COL22A1: variants seen among roughly 807,000 people sequenced by gnomAD.
COL22A1 encodes the protein collagen alpha-1(XXII) chain.
A neutral mutation model predicts 248.9 loss-of-function variants in COL22A1; 221 were observed. The observed-to-expected ratio is 0.89, with a 90% confidence interval of 0.80 to 0.99. The LOEUF (loss-of-function observed/expected upper bound fraction) is 0.99. COL22A1 is among the 50% of genes least tolerant of loss of function. The pLI, the probability that COL22A1 is intolerant of heterozygous loss-of-function variation, is 0.00. For missense variants in COL22A1, 2,240 were observed against 2,179.0 expected (o/e 1.03, Z -0.56); for synonymous variants, 891 against 793.4 (o/e 1.12, Z -2.07).
chr8:138,609,784 A>G (rs1213511038), intron 56 of COL22A1, among the ~76,000 whole-genome samples: 1 of 152,134 alleles, frequency 6.6e-6, no homozygotes, highest in African/African-American at 2.4e-5. Flanking sequence ...AACACAGGCC[A>G]TGTGCACAGA....
chr8:138,902,739 T>TATACACACACACAC (rs763466994), intron 1 of COL22A1, among the ~76,000 whole-genome samples: 6 of 93,872 alleles, frequency 6.4e-5, no homozygotes, highest in African/African-American at 1.8e-4. Context: ...TATATATATA[T>TATACACACACACAC]ACACACACAC....
chr8:138,685,356 C>CA (rs1826267894), intron 37 of COL22A1, 44 bp from the exon 38 acceptor site: 1 of 1,539,438 alleles, frequency 6.5e-7, no homozygotes, highest in African/African-American at 1.4e-5. Context: ...TTACACTCAG[C>CA]ACGAAGCTTT....
chr8:138,631,380 G>A (rs1033162034), intron 49 of COL22A1, among the ~76,000 whole-genome samples: 12 of 152,070 alleles, frequency 7.9e-5, no homozygotes, highest in African/African-American at 2.2e-4. Flanking sequence ...ATTTTAGGAC[G>A]GGCCAATGCA....
At chr8:138,715,637 A>G in intron 30 of COL22A1, 45 bp downstream of exon 30, 1 of 1,445,524 alleles carries the variant, frequency 6.9e-7, no homozygotes, top group Non-Finnish European at 9.6e-7. Flanking sequence ...AGAAAAACCC[A>G]ACTAATAATA....
intron 52 of COL22A1, among the ~76,000 whole-genome samples, chr8:138,619,748 A>AATTATG (rs1325309154): frequency 6.6e-6 from 1 of 152,042 alleles, no homozygotes; most frequent in African/African-American, 2.4e-5. Context: ...TCTCCAAATT[A>AATTATG]ATTATGCTTA....
chr8:138,705,111 T>G (rs1828309841), intron 30 of COL22A1, among the ~76,000 whole-genome samples: 1 of 152,122 alleles, frequency 6.6e-6, no homozygotes, highest in Admixed American at 6.5e-5. Flanking sequence ...GAACAAAGCC[T>G]CCAGGAAATA....
At chr8:138,625,380 T>C (rs544622746) in intron 51 of COL22A1, among the ~76,000 whole-genome samples, 1 of 151,728 alleles carries the variant, frequency 6.6e-6, no homozygotes, top group African/African-American at 2.4e-5. Context: ...AGGGCAGGGT[T>C]GGGGGACTGT....
chr8:138,643,252 G>A (rs1414960491), intron 47 of COL22A1, among the ~76,000 whole-genome samples: 5 of 152,080 alleles, frequency 3.3e-5, no homozygotes, highest in Admixed American at 6.5e-5. Context: ...ACACTGCCCC[G>A]GGCAAATCTC....
chr8:138,738,905 C>T (rs1042166141), intron 22 of COL22A1, among the ~76,000 whole-genome samples: 14 of 152,154 alleles, frequency 9.2e-5, no homozygotes, highest in African/African-American at 3.4e-4. Context: ...CCAACTCAGG[C>T]ACACCCTGGG....
chr8:138,690,597 T>C (rs1003537972), intron 36 of COL22A1, among the ~76,000 whole-genome samples: 1 of 152,150 alleles, frequency 6.6e-6, no homozygotes, highest in Non-Finnish European at 1.5e-5. Context: ...TTTCTGCAGA[T>C]GCCAACAGCT....
At position 138,751,488 on chromosome 8, in the gene COL22A1, C is replaced by T. The variant is rs1226295600; in HGVS notation, c.2055G>A (p.Arg685=). 1 of 1,612,388 alleles carries T rather than the reference C, an allele frequency of 6.2e-7. No individual in the cohort carries two copies. Among genetic ancestry groups the T allele is most frequent in the East Asian group, 2.2e-5 (1 of 44,794 alleles). ...GACCTTGCAAACCAGGAGGTCCATC[C>T]CTGCCTTCTGGGCCTATTGGACCCT... ...GARGPIGPEG[R]DGPPGLQGLR... Residue 685 remains arginine (R), a synonymous_variant, in exon 22 of 65, where the codon AGG becomes AGA. Transcript: ENST00000303045.
In COL22A1 at chr8:138,724,657, T is replaced by G; in HGVS notation, c.2205A>C (p.Gly735=). Residue 735 remains glycine (G), a synonymous_variant, in exon 25 of 65, where the codon GGA becomes GGC. Transcript: ENST00000303045. ...CAGGCTTTCCCGGGAAGCCGATCTC[T>G]CCAGGCAAACCCTGAAAGGGGACCA... ...PGPGGSPGLP[G]EIGFPGKPGP... 1 of 1,614,120 alleles carries G rather than the reference T, an allele frequency of 6.2e-7. No homozygotes were observed. The highest frequency in any genetic ancestry group is 1.1e-5 in the South Asian group (1 of 91,080).
chr8:138,905,728 G>T (rs993570512), intron 1 of COL22A1, among the ~76,000 whole-genome samples: 1 of 152,094 alleles, frequency 6.6e-6, no homozygotes, highest in East Asian at 1.9e-4. Flanking sequence ...AGACAGTTTC[G>T]TTCATGTTCT....
chr8:138,663,744 G>A lies in COL22A1; in HGVS notation c.3151-4C>T. On this transcript the variant is annotated splice_polypyrimidine_tract_variant and splice_region_variant and intron_variant, in intron 41 of 64. Coordinates refer to ENST00000303045, the MANE Select transcript of COL22A1 (RefSeq NM_152888.3). ...CTCCTGGTGGTCCGGAAGGGCCCTA[G>A]AAACAAACAAACAAGTATGTAAGCA... is the stretch of plus-strand genomic sequence containing the variant. 5 of 1,608,896 alleles carry A rather than the reference G, an allele frequency of 3.1e-6. No individual in the cohort carries two copies. Among genetic ancestry groups the A allele is most frequent in the Non-Finnish European group, 4.3e-6 (5 of 1,175,358 alleles).
chr8:138,684,453 G>A lies in COL22A1; in HGVS notation c.2984C>T (p.Pro995Leu), dbSNP rs948381159. The part of the protein sequence containing the change: ...KDGEPGLRGS[P>L]GLPGPLGTKA... ...GGTTCCTAGGGGTCCAGGGAGTCCA[G>A]GTGATCCACGGAGTCCCTGGAGAAA... Residue 995 changes from proline to leucine, a missense_variant, in exon 39 of 65, where the codon CCT (proline) becomes CTT (leucine). Transcript: ENST00000303045. The A allele has an allele frequency of 6.2e-7, 1 of 1,610,944 alleles. No homozygotes were observed. The highest frequency in any genetic ancestry group is 1.3e-5 in the African/African-American group (1 of 74,820).
chr8:138,657,440 G>C (rs1238616927), intron 44 of COL22A1, among the ~76,000 whole-genome samples: 8 of 152,200 alleles, frequency 5.3e-5, no homozygotes, highest in African/African-American at 1.9e-4. Context: ...TGCATAATTA[G>C]AGTCAGTTAT....
intron 25 of COL22A1, among the ~76,000 whole-genome samples, chr8:138,723,804 G>T (rs1041896478): frequency 6.6e-6 from 1 of 152,186 alleles, no homozygotes; most frequent in Non-Finnish European, 1.5e-5. Context: ...TGGGGAGGAC[G>T]CTGGTGTTAC....
At chr8:138,608,354 C>T (rs1818585927) in intron 56 of COL22A1, among the ~76,000 whole-genome samples, 1 of 152,190 alleles carries the variant, frequency 6.6e-6, no homozygotes, top group African/African-American at 2.4e-5. Flanking sequence ...CTAATACAAC[C>T]CAGCTTACAC....
At chr8:138,844,180 A>G (rs765382790) in intron 3 of COL22A1, 22 bp from the exon 4 acceptor site, 18 of 1,610,784 alleles carry the variant, frequency 1.1e-5, no homozygotes, top group Non-Finnish European at 8.5e-6. Flanking sequence ...AAGAGGAAAC[A>G]GAGACTGATG....
Sources: allele counts gnomAD v4.1 joint callset (sites outside exome capture counted in the v4.1 genomes callset), GRCh38; gene constraint gnomAD v4.1.1; transcripts MANE v1.5; gene names NCBI Gene and HGNC (gene_info 2026-07-23, HGNC 2026-07-21).